AATF: variants seen among roughly 807,000 people sequenced by gnomAD.
The protein encoded by AATF is apoptosis antagonizing transcription factor, also known as protein AATF.
Under a neutral mutation model 63.7 loss-of-function variants are expected in AATF, and 48 were observed. The observed-to-expected ratio is 0.75, with a 90% CI of 0.60 to 0.96. The LOEUF (loss-of-function observed/expected upper bound fraction) is 0.96, where lower values mean the gene tolerates loss of function less well. AATF is among the 40% of genes least tolerant of loss of function. The pLI is 0.00. For missense variants in AATF, 639 were observed against 685.7 expected (o/e 0.93, Z 0.76); for synonymous variants, 258 against 247.7 (o/e 1.04, Z -0.39).
chr17:37,049,215 C>G (rs1324207962), intron 11 of AATF, among the ~76,000 whole-genome samples: 1 of 152,138 alleles, frequency 6.6e-6, no homozygotes, highest in Non-Finnish European at 1.5e-5. Flanking sequence ...ATTTGTGATA[C>G]CATGCTCTAT....
At chr17:37,016,906 C>G (rs1324356162) in intron 8 of AATF, among the ~76,000 whole-genome samples, 1 of 152,138 alleles carries the variant, frequency 6.6e-6, no homozygotes, top group Admixed American at 6.5e-5. Flanking sequence ...TAAACTAGAC[C>G]TAGCTAGATA....
chr17:37,007,774 A>G (rs921632821), intron 8 of AATF, among the ~76,000 whole-genome samples: 24 of 152,330 alleles, frequency 1.6e-4, no homozygotes, highest in African/African-American at 5.5e-4. Flanking sequence ...AAGGATGGCC[A>G]GGATTTTAGA....
intron 4 of AATF, among the ~76,000 whole-genome samples, chr17:36,974,803 A>T (rs1239693941): frequency 6.6e-6 from 1 of 152,144 alleles, no homozygotes; most frequent in Non-Finnish European, 1.5e-5. Flanking sequence ...TCAAACAGGG[A>T]AAATTTTGAA....
intron 4 of AATF, among the ~76,000 whole-genome samples, chr17:36,972,208 C>A (rs1255300116): frequency 6.6e-6 from 1 of 152,076 alleles, no homozygotes; most frequent in Admixed American, 6.5e-5. Flanking sequence ...AATATATATC[C>A]TTGGTACTGA....
chr17:37,031,706 G>A (rs756003881), intron 11 of AATF, 21 bp downstream of exon 11: 2 of 1,599,494 alleles, frequency 1.3e-6, no homozygotes, highest in East Asian at 2.2e-5. Flanking sequence ...GATTAATTAT[G>A]TGTCTCAAAT....
chr17:36,955,683 T>A (rs899200862), intron 4 of AATF, among the ~76,000 whole-genome samples: 5 of 152,192 alleles, frequency 3.3e-5, no homozygotes, highest in Admixed American at 6.5e-5. Flanking sequence ...TTTTTCATTT[T>A]AAAAAATTCA....
At chr17:36,954,489 G>A (rs1419041976) in intron 4 of AATF, among the ~76,000 whole-genome samples, 1 of 152,224 alleles carries the variant, frequency 6.6e-6, no homozygotes, top group African/African-American at 2.4e-5. Context: ...TGTATCATGT[G>A]TTTAAAAGAT....
At chr17:37,026,776 A>G (rs771780043) in intron 10 of AATF, among the ~76,000 whole-genome samples, 2 of 152,150 alleles carry the variant, frequency 1.3e-5, no homozygotes, top group Admixed American at 6.5e-5. Flanking sequence ...GAGTTGTTTC[A>G]CTGGCAGGAC....
intron 4 of AATF, among the ~76,000 whole-genome samples, chr17:36,973,122 TCTTTCTTTTTTC>T (rs926598241): frequency 2.9e-4 from 39 of 135,818 alleles, no homozygotes; most frequent in Non-Finnish European, 4.4e-4. Flanking sequence ...TTTTCTTCTT[TCTTTCTTTTTTC>T]CTTTCTTTTT....
intron 11 of AATF, chr17:37,033,710 T>C (rs2071568651): frequency 6.5e-6 from 1 of 154,672 alleles, no homozygotes; most frequent in African/African-American, 2.4e-5. Context: ...CTAGGGGTGG[T>C]AGGCAATTGT....
At chr17:37,007,359 ATTTTTTTTTTT>A in intron 8 of AATF, among the ~76,000 whole-genome samples, 1 of 112,578 alleles carries the variant, frequency 8.9e-6, no homozygotes, top group East Asian at 2.4e-4. Flanking sequence ...GGCTAATTTA[ATTTTTTTTTTT>A]TTTTTTTTTT....
Position 36,953,283 on chromosome 17 carries a change from G to C in AATF, c.681G>C (p.Val227=). 1 of 1,613,598 alleles carries C rather than the reference G, an allele frequency of 6.2e-7. No homozygotes were observed. The highest frequency in any genetic ancestry group is 8.5e-7 in the Non-Finnish European group (1 of 1,179,528). Residue 227 remains valine (V), a synonymous_variant, in exon 3 of 12, where the codon GTG becomes GTC. Transcript: ENST00000619387. ...AGGAAGTGGAGAAAGGAAGAGCCGTGAAGAACCAGATAGGTTTGTACATGG... is the reference window on the plus strand; with the variant it reads ...AGGAAGTGGAGAAAGGAAGAGCCGTCAAGAACCAGATAGGTTTGTACATGG... The part of the protein sequence containing the change: ...VSEEVEKGRA[V]KNQIALWDQL...
chr17:36,999,502 A>G (rs1277590615), intron 8 of AATF, among the ~76,000 whole-genome samples: 1 of 152,190 alleles, frequency 6.6e-6, no homozygotes, highest in Non-Finnish European at 1.5e-5. Flanking sequence ...ATTGTATTGG[A>G]TAGTGCAAAT....
intron 8 of AATF, among the ~76,000 whole-genome samples, chr17:37,017,811 T>A (rs1272118268): frequency 6.6e-6 from 1 of 152,248 alleles, no homozygotes; most frequent in Non-Finnish European, 1.5e-5. Context: ...TTTGTTTTAC[T>A]TCTTCCAGTG....
intron 2 of AATF, among the ~76,000 whole-genome samples, chr17:36,951,351 A>G (rs1056478864): frequency 6.6e-6 from 1 of 152,124 alleles, no homozygotes; most frequent in Non-Finnish European, 1.5e-5. Context: ...GACAAATATG[A>G]TAATATTTAT....
chr17:37,006,537 A>G (rs2071342808), intron 8 of AATF, among the ~76,000 whole-genome samples: 1 of 152,252 alleles, frequency 6.6e-6, no homozygotes, highest in African/African-American at 2.4e-5. Flanking sequence ...TTGGAAACAG[A>G]AAAGCAAATT....
intron 8 of AATF, among the ~76,000 whole-genome samples, chr17:37,011,496 G>C (rs888545064): frequency 1.3e-5 from 2 of 152,194 alleles, no homozygotes; most frequent in Non-Finnish European, 2.9e-5. Flanking sequence ...TTGAGATATT[G>C]GGTGTAAGGG....
intron 11 of AATF, among the ~76,000 whole-genome samples, chr17:37,048,126 T>C (rs563103505): frequency 6.6e-6 from 1 of 152,210 alleles, no homozygotes; most frequent in East Asian, 1.9e-4. Context: ...TATGGAATTA[T>C]GATGAGATTT....
chr17:37,012,692 G>A (rs915793074), intron 8 of AATF, among the ~76,000 whole-genome samples: 3 of 152,192 alleles, frequency 2.0e-5, no homozygotes, highest in Non-Finnish European at 4.4e-5. Context: ...TGGTCATAAA[G>A]CCAAAATGCT....
Sources: gnomAD v4.1 joint callset for allele counts (sites outside exome capture counted in the v4.1 genomes callset) on GRCh38, gnomAD v4.1.1 for gene constraint, MANE v1.5 for transcripts, NCBI Gene and HGNC (gene_info 2026-07-23, HGNC 2026-07-21) for gene names.